The following EPHB2 variants were observed in gnomAD, a reference collection of about 807,000 sequenced individuals.
EPHB2 encodes the protein EPH receptor B2, also known as ephrin type-B receptor 2.
Under a neutral mutation model 96.4 loss-of-function variants are expected in EPHB2, and 18 were observed. The ratio of observed to expected loss-of-function variants is 0.19; its 90% CI spans 0.13 to 0.28. EPHB2 has a LOEUF of 0.28. EPHB2 is among the 10% of genes least tolerant of loss of function. The pLI is 1.00. For missense variants in EPHB2, 989 were observed against 1,355.4 expected (o/e 0.73, Z 4.25); for synonymous variants, 506 against 534.1 (o/e 0.95, Z 0.72).
At chr1:22,782,043 A>G (rs1163238985) in intron 2 of EPHB2, among the ~76,000 whole-genome samples, 2 of 152,064 alleles carry the variant, frequency 1.3e-5, no homozygotes, top group East Asian at 1.9e-4. Flanking sequence ...TTTGGTTCTT[A>G]TCATCCTAGG....
At chr1:22,902,366 A>G (rs566774904) in intron 9 of EPHB2, among the ~76,000 whole-genome samples, 4 of 152,364 alleles carry the variant, frequency 2.6e-5, no homozygotes, top group Admixed American at 6.5e-5. Context: ...TGTATATTCA[A>G]TAAGTGTTTA....
intron 1 of EPHB2, among the ~76,000 whole-genome samples, chr1:22,728,463 C>A (rs1643632378): frequency 6.6e-6 from 1 of 152,238 alleles, no homozygotes; most frequent in South Asian, 2.1e-4. Flanking sequence ...GGGATAGAAG[C>A]CCTGCTTTGT....
At chr1:22,853,157 T>C (rs953749425) in intron 3 of EPHB2, among the ~76,000 whole-genome samples, 1 of 152,246 alleles carries the variant, frequency 6.6e-6, no homozygotes, top group Non-Finnish European at 1.5e-5. Flanking sequence ...GAAACCATCC[T>C]GGCTAACACA....
At position 22,858,302 on chromosome 1, in the gene EPHB2, C is replaced by T. The variant is rs1465644623; in HGVS notation, c.812-4735C>T. Among the ~76,000 whole-genome samples the T allele has an allele frequency of 6.6e-6, 1 of 152,104 alleles. No homozygotes were observed. The highest frequency in any genetic ancestry group is 1.5e-5 in the Non-Finnish European group (1 of 68,014). ...TTGTAGCCAGGCTAGGCATGTGGGT[C>T]TATTCTAAGTGCAGTGGGGATAAAT... On this transcript the variant is annotated intron_variant, in intron 3 of 15. Coordinates refer to ENST00000374630, the MANE Select transcript of EPHB2 (RefSeq NM_017449.5). This position sits in a 1 kb window ranked among gnomAD's most constrained non-coding sequence, Gnocchi z 7.7.
intron 1 of EPHB2, among the ~76,000 whole-genome samples, chr1:22,776,801 G>A (rs1644459703): frequency 6.6e-6 from 1 of 152,234 alleles, no homozygotes; most frequent in African/African-American, 2.4e-5. Flanking sequence ...AATGTTGTCT[G>A]TATGAAAGGC....
chr1:22,777,623 CAG>C (rs1349473402), intron 1 of EPHB2, among the ~76,000 whole-genome samples: 1 of 152,208 alleles, frequency 6.6e-6, no homozygotes, highest in Non-Finnish European at 1.5e-5. Flanking sequence ...AGAGGAAACT[CAG>C]GGCACCCCAG....
At chr1:22,905,213 A>G (rs563648274) in intron 9 of EPHB2, among the ~76,000 whole-genome samples, 30 of 152,324 alleles carry the variant, frequency 2.0e-4, no homozygotes, top group Non-Finnish European at 3.2e-4. Context: ...TAAGTGTTGG[A>G]CAGAAGAGAG....
chr1:22,754,197 A>T (rs896041079), intron 1 of EPHB2, among the ~76,000 whole-genome samples: 1 of 19,166 alleles, frequency 5.2e-5, no homozygotes, highest in African/African-American at 5.6e-5. Flanking sequence ...AATGTCCCCA[A>T]ACCAAACCAA....
intron 1 of EPHB2, among the ~76,000 whole-genome samples, chr1:22,777,434 G>A (rs529654658): frequency 6.6e-6 from 1 of 152,308 alleles, no homozygotes; most frequent in Admixed American, 6.5e-5. Flanking sequence ...CTCTCCCTTT[G>A]TAGATTTTTG....
intron 3 of EPHB2, among the ~76,000 whole-genome samples, chr1:22,841,158 G>A (rs1023900291): frequency 6.6e-6 from 1 of 152,208 alleles, no homozygotes; most frequent in African/African-American, 2.4e-5. Context: ...CAACTCTAGA[G>A]CAGTGTGACG....
chr1:22,732,779 T>C (rs1479057567), intron 1 of EPHB2, among the ~76,000 whole-genome samples: 2 of 152,180 alleles, frequency 1.3e-5, no homozygotes, highest in African/African-American at 4.8e-5. Context: ...TTGCTCCTCC[T>C]GCGTTCCTGG....
chr1:22,894,733 G>A (rs1205206281), intron 7 of EPHB2, among the ~76,000 whole-genome samples: 2 of 152,074 alleles, frequency 1.3e-5, no homozygotes, highest in Admixed American at 1.3e-4. Context: ...CCCACCCTTG[G>A]ATCAAGCAGA....
chr1:22,870,669 C>T (rs1204060690), intron 5 of EPHB2, among the ~76,000 whole-genome samples: 1 of 152,176 alleles, frequency 6.6e-6, no homozygotes, highest in African/African-American at 2.4e-5. Flanking sequence ...CGCCCTTGGC[C>T]ATTCTCCAGG....
intron 14 of EPHB2, 139 bp from the exon 15 acceptor site, chr1:22,912,305 C>G (rs570902110): frequency 8.1e-7 from 1 of 1,233,852 alleles, no homozygotes; most frequent in South Asian, 1.3e-5. Flanking sequence ...GAAATACTCA[C>G]GTACATACCC....
intron 3 of EPHB2, among the ~76,000 whole-genome samples, chr1:22,852,979 A>G (rs1176854166): frequency 6.6e-6 from 1 of 152,260 alleles, no homozygotes; most frequent in East Asian, 1.9e-4. Flanking sequence ...CAGGGGCTCC[A>G]GGAGGAGCTC....
chr1:22,718,317 C>G (rs1643344138), intron 1 of EPHB2, among the ~76,000 whole-genome samples: 1 of 151,044 alleles, frequency 6.6e-6, no homozygotes, highest in Admixed American at 6.6e-5. Context: ...TACCCTCCTT[C>G]TTTGCCCAGT....
intron 5 of EPHB2, 106 bp from the exon 6 acceptor site, chr1:22,882,253 C>G: frequency 1.3e-6 from 2 of 1,568,680 alleles, no homozygotes; most frequent in Non-Finnish European, 1.7e-6. Context: ...ATGCCCTTCC[C>G]TCTCTGATCC....
chr1:22,912,058 C>A (rs1640120040), intron 14 of EPHB2, among the ~76,000 whole-genome samples: 1 of 152,130 alleles, frequency 6.6e-6, no homozygotes, highest in South Asian at 2.1e-4. Flanking sequence ...GGAGAGGAAA[C>A]TGTGAATAAC....
intron 7 of EPHB2, among the ~76,000 whole-genome samples, chr1:22,894,167 G>A (rs1261423938): frequency 6.6e-6 from 1 of 152,186 alleles, no homozygotes; most frequent in African/African-American, 2.4e-5. Context: ...GGAACTAGGA[G>A]ACTGTCCCAA....
Sources: gnomAD v4.1 joint callset for allele counts (sites outside exome capture counted in the v4.1 genomes callset) on GRCh38, gnomAD v4.1.1 for gene constraint, Gnocchi (gnomAD v3.1) non-coding constraint, MANE v1.5 for transcripts, NCBI Gene and HGNC (gene_info 2026-07-23, HGNC 2026-07-21) for gene names.